TOX: variants seen among roughly 807,000 people sequenced by gnomAD.
The protein encoded by TOX is thymocyte selection-associated high mobility group box protein TOX.
Under a neutral mutation model 53.7 loss-of-function variants are expected in TOX, and 11 were observed. The observed-to-expected ratio is 0.20, with a 90% CI of 0.13 to 0.34. The LOEUF (loss-of-function observed/expected upper bound fraction) is 0.34. Among genes scored for constraint, TOX ranks in the 10% least tolerant of loss-of-function variants. The pLI is 1.00. For synonymous variants in TOX, 225 were observed against 245.3 expected (o/e 0.92, Z 0.77); for missense variants, 570 against 664.6 (o/e 0.86, Z 1.56).
chr8:58,899,208 T>C (rs1376549059), intron 3 of TOX, among the ~76,000 whole-genome samples: 1 of 152,226 alleles, frequency 6.6e-6, no homozygotes, highest in Non-Finnish European at 1.5e-5. Flanking sequence ...AGCTATACTT[T>C]CCCGCTTTCT....
chr8:59,087,860 G>C (rs979700295), intron 1 of TOX, among the ~76,000 whole-genome samples: 1 of 152,258 alleles, frequency 6.6e-6, no homozygotes, highest in South Asian at 2.1e-4. Flanking sequence ...TGTCACAACC[G>C]ATTATGTTTC....
At chr8:59,037,048 T>C (rs1355070737) in intron 1 of TOX, among the ~76,000 whole-genome samples, 3 of 152,196 alleles carry the variant, frequency 2.0e-5, no homozygotes, top group Non-Finnish European at 2.9e-5. Flanking sequence ...ATGGGCTTTT[T>C]TGGGATATTA....
At chr8:58,940,120 T>C (rs1344099561) in intron 2 of TOX, among the ~76,000 whole-genome samples, 2 of 152,216 alleles carry the variant, frequency 1.3e-5, no homozygotes, top group African/African-American at 2.4e-5. Context: ...TTAAGAGCTA[T>C]TTTTATCGCA....
chr8:58,985,289 C>T (rs2129417001), intron 1 of TOX, among the ~76,000 whole-genome samples: 1 of 152,142 alleles, frequency 6.6e-6, no homozygotes, highest in South Asian at 2.1e-4. Context: ...CATATATACA[C>T]AAGGGAATAT....
chr8:58,921,150 C>T, intron 3 of TOX, among the ~76,000 whole-genome samples: 1 of 152,142 alleles, frequency 6.6e-6, no homozygotes, highest in East Asian at 1.9e-4. Flanking sequence ...GAAAATTCAG[C>T]CTGGAAGCTG....
chr8:59,112,053 T>G (rs1173346756), intron 1 of TOX, among the ~76,000 whole-genome samples: 1 of 152,220 alleles, frequency 6.6e-6, no homozygotes, highest in African/African-American at 2.4e-5. Flanking sequence ...TTTAAAATTT[T>G]TATCAAGTGA....
At chr8:58,968,642 G>T (rs188799028) in intron 1 of TOX, among the ~76,000 whole-genome samples, 10 of 152,298 alleles carry the variant, frequency 6.6e-5, no homozygotes, top group African/African-American at 2.2e-4. Flanking sequence ...ATTACTTTTT[G>T]GGGGTTGGAC....
At chr8:58,986,560 C>T (rs979828782) in intron 1 of TOX, among the ~76,000 whole-genome samples, 1 of 152,174 alleles carries the variant, frequency 6.6e-6, no homozygotes, top group Non-Finnish European at 1.5e-5. Context: ...TTATTTCTTA[C>T]TGTTAAACCC....
chr8:58,848,225 C>T (rs1027645428), intron 4 of TOX, among the ~76,000 whole-genome samples: 2 of 151,582 alleles, frequency 1.3e-5, no homozygotes, highest in African/African-American at 4.8e-5. Flanking sequence ...GGGACAGCTA[C>T]TGAAAGAAGA....
chr8:58,958,633 C>T (rs1333784022), intron 2 of TOX, among the ~76,000 whole-genome samples: 1 of 152,168 alleles, frequency 6.6e-6, no homozygotes, highest in Non-Finnish European at 1.5e-5. Context: ...GCTACTTAGC[C>T]AAATGAATTC....
Position 58,815,475 on chromosome 8 carries a change from G to T in TOX, c.1255C>A (p.Pro419Thr), listed in dbSNP as rs1215915046. ...SIANMAVSPP[P>T]PLQISPPLHQ... ...AGAGGCGGGCTGATCTGGAGGGGAG[G>T]AGGAGGGGACACAGCCATGTTTGCT... The change falls in exon 7 of 9, where the codon CCT becomes ACT. Residue 419 changes from proline (P) to threonine (T), a missense_variant. Pro to Thr is a conservative substitution (Grantham distance 38). This residue lies in a region of TOX where 239 missense variants were observed against 250.7 expected (regional missense o/e 0.95). Transcript: ENST00000361421. 2 of 1,613,956 alleles carry T rather than the reference G, an allele frequency of 1.2e-6. No homozygotes were observed. The highest frequency in any genetic ancestry group is 2.7e-5 in the African/African-American group (2 of 74,902).
rs1805137278 is a variant in TOX at position 59,118,037 on chromosome 8, C to G, written c.102+849G>C. 6.6e-6 allele frequency among the ~76,000 whole-genome samples: 1 copy of G among 152,186 alleles called. No individual in the cohort carries two copies. The highest frequency in any genetic ancestry group is 6.5e-5 in the Admixed American group (1 of 15,288). ...CCTATAGGTGGACCCAGCCGAACTC[C>G]GCAGCAGCCCAGGCCAGCGCCCCAC... On this transcript the variant is annotated intron_variant, in intron 1 of 8. Coordinates refer to ENST00000361421, the MANE Select transcript of TOX (RefSeq NM_014729.3). This position sits in a 1 kb window ranked among gnomAD's most constrained non-coding sequence, Gnocchi z 4.1.
At chr8:58,907,104 G>A (rs1811828887) in intron 3 of TOX, among the ~76,000 whole-genome samples, 1 of 152,160 alleles carries the variant, frequency 6.6e-6, no homozygotes, top group African/African-American at 2.4e-5. Flanking sequence ...ATTTCTCTAA[G>A]GTTTCTCCGA....
intron 3 of TOX, among the ~76,000 whole-genome samples, chr8:58,880,383 T>C (rs555911527): frequency 1.3e-5 from 2 of 152,326 alleles, no homozygotes; most frequent in African/African-American, 2.4e-5. Flanking sequence ...AAATAATACA[T>C]GCAAAATATC....
At chr8:58,925,987 C>T (rs994932962) in intron 3 of TOX, among the ~76,000 whole-genome samples, 3 of 152,124 alleles carry the variant, frequency 2.0e-5, no homozygotes, top group African/African-American at 7.2e-5. Flanking sequence ...ACTGAGCTAC[C>T]CTGGTAAATC....
chr8:58,998,211 G>A lies in TOX; in HGVS notation c.103-38203C>T, dbSNP rs1257644188. Among the ~76,000 whole-genome samples, 10 of 151,680 alleles carry A rather than the reference G, an allele frequency of 6.6e-5. No individual in the cohort carries two copies. In the East Asian group the frequency reaches 1.4e-3, roughly 21 times the overall value. On this transcript the variant is annotated intron_variant, in intron 1 of 8. Transcript: ENST00000361421. Reference sequence around the variant, plus strand: ...TAATTCAAAAAAAAATATGGTAGCCGGGTGTGGTGGCTCACGCCTGTAATC... The same window carrying A: ...TAATTCAAAAAAAAATATGGTAGCCAGGTGTGGTGGCTCACGCCTGTAATC...
chr8:59,041,224 T>C (rs1423749202), intron 1 of TOX, among the ~76,000 whole-genome samples: 1 of 152,098 alleles, frequency 6.6e-6, no homozygotes, highest in African/African-American at 2.4e-5. Context: ...CTCTATTTAA[T>C]TGATGGGTTG....
intron 6 of TOX, among the ~76,000 whole-genome samples, chr8:58,818,346 G>T (rs1810215117): frequency 6.6e-6 from 1 of 152,058 alleles, no homozygotes; most frequent in Admixed American, 6.6e-5. Flanking sequence ...TAACATAGAG[G>T]GAGGGAGAAT....
intron 1 of TOX, among the ~76,000 whole-genome samples, chr8:59,100,223 C>G (rs1365961919): frequency 1.3e-5 from 2 of 152,094 alleles, no homozygotes; most frequent in Non-Finnish European, 2.9e-5. Flanking sequence ...TTCTCTTTGA[C>G]AAAGATCACA....
Sources: gnomAD v4.1 joint callset for allele counts (sites outside exome capture counted in the v4.1 genomes callset) on GRCh38, gnomAD v4.1.1 for gene constraint, gnomAD v4.1.1 regional missense constraint, Gnocchi (gnomAD v3.1) non-coding constraint, MANE v1.5 for transcripts, NCBI Gene and HGNC (gene_info 2026-07-23, HGNC 2026-07-21) for gene names.